SMG6: variants seen among roughly 807,000 people sequenced by gnomAD.
SMG6 encodes SMG6 nonsense mediated mRNA decay factor.
Under a neutral mutation model 142.2 loss-of-function variants are expected in SMG6, and 66 were observed. That is an observed-to-expected ratio of 0.46 (90% confidence interval 0.38 to 0.57). The LOEUF is 0.57. SMG6 is among the 20% of genes least tolerant of loss of function. The probability of loss-of-function intolerance (pLI) is 0.00; values close to 1 mark genes in which losing one functional copy is unlikely to be tolerated. For synonymous variants in SMG6, 779 were observed against 702.4 expected, an observed-to-expected ratio of 1.11 and a Z score of -1.72; for missense variants, 1,793 against 1,832.0, an observed-to-expected ratio of 0.98 and a Z score of 0.39.
chr17:2,242,930 C>T (rs891599800), intron 9 of SMG6, among the ~76,000 whole-genome samples: 1 of 152,142 alleles, frequency 6.6e-6, no homozygotes, highest in Non-Finnish European at 1.5e-5. Flanking sequence ...GCTTAGCAAT[C>T]CATCCGTCTT....
Position 2,094,300 on chromosome 17 carries a change from C to T in SMG6, c.3358-8399G>A, listed in dbSNP as rs149314608. Among the ~76,000 whole-genome samples, 1,223 of 152,072 alleles carry T rather than the reference C, an allele frequency of 8.0e-3. 16 individuals carry two copies. The highest frequency in any genetic ancestry group is 0.028 in the African/African-American group (1,154 of 41,486). ...AGTCTGGCTCTGTCACCCCAGGCTG[C>T]GGTGCAGTGGCGAGATATCAGCTCA... On this transcript the variant is annotated intron_variant, in intron 13 of 18. Coordinates refer to ENST00000263073, the MANE Select transcript of SMG6 (RefSeq NM_017575.5).
intron 13 of SMG6, among the ~76,000 whole-genome samples, chr17:2,169,421 T>A (rs1257854592): frequency 1.3e-5 from 2 of 152,036 alleles, no homozygotes; most frequent in African/African-American, 4.8e-5. Flanking sequence ...TGATAGATAC[T>A]CAGGAGATGT....
chr17:2,251,485 A>C (rs375363279), intron 8 of SMG6, among the ~76,000 whole-genome samples: 4 of 152,246 alleles, frequency 2.6e-5, no homozygotes, highest in African/African-American at 2.4e-5. Context: ...TCAATTAAAC[A>C]TAAGTTCCTG....
chr17:2,223,526 A>G (rs2073235566), intron 10 of SMG6, among the ~76,000 whole-genome samples: 1 of 152,232 alleles, frequency 6.6e-6, no homozygotes, highest in African/African-American at 2.4e-5. Flanking sequence ...ACAAAAGCAC[A>G]GAGAACCCTG....
At chr17:2,296,880 A>T (rs1225321617) in intron 4 of SMG6, among the ~76,000 whole-genome samples, 1 of 152,108 alleles carries the variant, frequency 6.6e-6, no homozygotes, top group Non-Finnish European at 1.5e-5. Flanking sequence ...CTGTAACGCC[A>T]GCTACTCGGG....
intron 4 of SMG6, among the ~76,000 whole-genome samples, chr17:2,293,314 AG>A (rs780437153): frequency 9.9e-5 from 15 of 152,202 alleles, no homozygotes; most frequent in Non-Finnish European, 1.8e-4. Context: ...TTGGATCTCA[AG>A]GAAGTCTTTG....
chr17:2,217,198 C>A (rs945966259), intron 10 of SMG6, among the ~76,000 whole-genome samples: 3 of 152,144 alleles, frequency 2.0e-5, no homozygotes, highest in East Asian at 3.9e-4. Flanking sequence ...TCAAATATTT[C>A]TTTTTATCAT....
chr17:2,255,076 G>C (rs905980117), intron 8 of SMG6, among the ~76,000 whole-genome samples: 4 of 152,128 alleles, frequency 2.6e-5, no homozygotes, highest in Non-Finnish European at 5.9e-5. Flanking sequence ...GTCTGGAGAA[G>C]TGGGCAGGGC....
chr17:2,277,165 A>ATTTATTT (rs2074673744), intron 8 of SMG6, among the ~76,000 whole-genome samples: 1 of 63,432 alleles, frequency 1.6e-5, no homozygotes, highest in South Asian at 5.3e-4. Context: ...TTATTTATTT[A>ATTTATTT]TTTTTTATTT....
intron 13 of SMG6, among the ~76,000 whole-genome samples, chr17:2,132,107 G>A (rs576911159): frequency 1.3e-5 from 2 of 151,974 alleles, no homozygotes; most frequent in East Asian, 3.9e-4. Context: ...TTTTGAACTC[G>A]AGCAATCCTC....
intron 13 of SMG6, among the ~76,000 whole-genome samples, chr17:2,142,651 A>C (rs1369368601): frequency 1.3e-5 from 2 of 152,156 alleles, no homozygotes; most frequent in African/African-American, 4.8e-5. Context: ...TGGGAGGCTG[A>C]GGTGGGCGGA....
At chr17:2,120,176 G>C (rs554583586) in intron 13 of SMG6, among the ~76,000 whole-genome samples, 1 of 152,306 alleles carries the variant, frequency 6.6e-6, no homozygotes, top group South Asian at 2.1e-4. Context: ...CCCTCATAAA[G>C]TAATAACCAT....
At chr17:2,280,398 G>T (rs1444828719) in intron 8 of SMG6, among the ~76,000 whole-genome samples, 1 of 152,174 alleles carries the variant, frequency 6.6e-6, no homozygotes, top group African/African-American at 2.4e-5. Context: ...GAGTAGCTGG[G>T]ATTACAGGAG....
At chr17:2,270,014 G>A (rs1211546761) in intron 8 of SMG6, among the ~76,000 whole-genome samples, 2 of 152,106 alleles carry the variant, frequency 1.3e-5, no homozygotes, top group South Asian at 2.1e-4. Flanking sequence ...GGGCGACAGA[G>A]TGAGACTCTG....
At chr17:2,164,602 T>A (rs2071277951) in intron 13 of SMG6, among the ~76,000 whole-genome samples, 1 of 150,826 alleles carries the variant, frequency 6.6e-6, no homozygotes, top group Non-Finnish European at 1.5e-5. Flanking sequence ...AGTAAGAGAG[T>A]GAGACTCCCC....
intron 10 of SMG6, among the ~76,000 whole-genome samples, chr17:2,212,310 G>A (rs540231792): frequency 2.8e-4 from 43 of 152,288 alleles, no homozygotes; most frequent in Middle Eastern, 3.4e-3. Context: ...AAATACATAA[G>A]CAAGAGTGAG....
rs376011757 is a variant in SMG6, at chr17:2,297,195, G to A, written c.2151+48C>T. On this transcript the variant is annotated intron_variant, in intron 4 of 18. Coordinates refer to ENST00000263073, the MANE Select transcript of SMG6 (RefSeq NM_017575.5). ...AGCACATACCTAACACTAGATAAAC[G>A]CTTACGAAATGAATGAAAATTTAAG... is the stretch of plus-strand genomic sequence containing the variant. 1.3e-5 allele frequency: 18 copies of A among 1,366,266 alleles called. No homozygotes were observed. The African/African-American group carries it at 1.7e-4, about 13-fold the overall frequency. 84.6% of individuals were successfully genotyped at this position (1,366,266 alleles called of 1,614,324 possible).
intron 10 of SMG6, among the ~76,000 whole-genome samples, chr17:2,217,283 T>C (rs1308101574): frequency 1.3e-5 from 2 of 151,962 alleles, no homozygotes; most frequent in Non-Finnish European, 2.9e-5. Context: ...ACTACAAAAA[T>C]ACAGAGAAAA....
intron 13 of SMG6, among the ~76,000 whole-genome samples, chr17:2,125,975 T>C (rs1290941332): frequency 1.5e-5 from 2 of 136,916 alleles, no homozygotes; most frequent in Non-Finnish European, 3.1e-5. Flanking sequence ...AAAAAAATCA[T>C]ATGGAATCTT....
Sources: gnomAD v4.1 joint callset for allele counts (sites outside exome capture counted in the v4.1 genomes callset) on GRCh38, gnomAD v4.1.1 for gene constraint, MANE v1.5 for transcripts, NCBI Gene and HGNC (gene_info 2026-07-23, HGNC 2026-07-21) for gene names.